The following RAB27A variants were observed in gnomAD, a reference collection of about 807,000 sequenced individuals.
RAB27A encodes ras-related protein Rab-27A.
A neutral mutation model predicts 20.8 loss-of-function variants in RAB27A; 17 were observed. That is an observed-to-expected ratio of 0.82 (90% CI 0.56 to 1.23). The LOEUF is 1.23. RAB27A is among the 50% of genes most tolerant of loss of function. RAB27A has a pLI of 0.00. For synonymous variants in RAB27A, 85 were observed against 92.8 expected (o/e 0.92, Z 0.48); for missense variants, 277 against 266.7 (o/e 1.04, Z -0.27).
chr15:55,281,396 T>C (rs1262661636), intron 1 of RAB27A, among the ~76,000 whole-genome samples: 1 of 152,184 alleles, frequency 6.6e-6, no homozygotes, highest in African/African-American at 2.4e-5. Flanking sequence ...ATCAATAAAC[T>C]GGCATTCTGG....
chr15:55,250,620 T>C (rs976834205), intron 2 of RAB27A, among the ~76,000 whole-genome samples: 2 of 152,226 alleles, frequency 1.3e-5, no homozygotes, highest in Non-Finnish European at 2.9e-5. Flanking sequence ...CAATAAAGAA[T>C]GAACACAACA....
chr15:55,242,752 T>C (rs1307379699), intron 2 of RAB27A, among the ~76,000 whole-genome samples: 1 of 152,170 alleles, frequency 6.6e-6, no homozygotes, highest in Admixed American at 6.6e-5. Flanking sequence ...TCTGGGTGAT[T>C]TTTGGTAATT....
intron 6 of RAB27A, among the ~76,000 whole-genome samples, chr15:55,208,569 G>C (rs1894764513): frequency 6.6e-6 from 1 of 152,112 alleles, no homozygotes; most frequent in South Asian, 2.1e-4. Context: ...AAACATTCCA[G>C]GCATCACATC....
At chr15:55,309,335 A>C (rs2055010525) in intron 2 of RAB27A, among the ~76,000 whole-genome samples, 1 of 152,162 alleles carries the variant, frequency 6.6e-6, no homozygotes, top group South Asian at 2.1e-4. Flanking sequence ...TAAGTATTAA[A>C]CCTGCTGAGA....
chr15:55,306,907 T>C (rs1295895028), intron 2 of RAB27A, among the ~76,000 whole-genome samples: 1 of 152,136 alleles, frequency 6.6e-6, no homozygotes, highest in Non-Finnish European at 1.5e-5. Flanking sequence ...TTAGTTACTT[T>C]CCTCACGGTT....
At chr15:55,209,879 T>C (rs1292397269) in intron 6 of RAB27A, among the ~76,000 whole-genome samples, 22 of 5,710 alleles carry the variant, frequency 3.9e-3, no homozygotes, top group Non-Finnish European at 8.1e-3. Flanking sequence ...TACATATATG[T>C]GTGTGTATAC....
rs1566896206 is a variant in RAB27A at position 55,209,864 on chromosome 15, A to ACATATATGCGTATATATACG, written c.468-4160_468-4159insCGTATATATACGCATATATG. ...TGTACACATATATGTGTGTATATAC[A>ACATATATGCGTATATATACG]TATATACATATATGTGTGTGTATAC... is the stretch of plus-strand genomic sequence containing the variant. On this transcript the variant is annotated intron_variant, in intron 6 of 6. Coordinates refer to ENST00000336787, the MANE Select transcript of RAB27A (RefSeq NM_183235.3). 1.8e-3 allele frequency among the ~76,000 whole-genome samples: 19 copies of ACATATATGCGTATATATACG among 10,272 alleles called. 1 individual carries two copies. Among genetic ancestry groups the ACATATATGCGTATATATACG allele is most frequent in the Admixed American group, 3.2e-3 (2 of 630 alleles). 6.7% of individuals were successfully genotyped at this position (10,272 alleles called of 152,430 possible).
At chr15:55,211,978 T>C (rs1369820099) in intron 6 of RAB27A, among the ~76,000 whole-genome samples, 1 of 133,170 alleles carries the variant, frequency 7.5e-6, no homozygotes, top group South Asian at 2.4e-4. Context: ...TTTTTTTTTT[T>C]AGCTTTTCCC....
chr15:55,232,590 C>T (rs143729879), intron 3 of RAB27A, among the ~76,000 whole-genome samples: 2 of 152,016 alleles, frequency 1.3e-5, no homozygotes, highest in Non-Finnish European at 2.9e-5. Context: ...AGTAACATAG[C>T]GGTCCTCTAA....
chr15:55,290,091 G>A (rs1200234837), upstream of RAB27A: 1 of 152,348 alleles, frequency 6.6e-6, no homozygotes. Flanking sequence ...GGACACAGGA[G>A]GGACATTTAC....
intron 2 of RAB27A, among the ~76,000 whole-genome samples, chr15:55,266,914 A>T (rs1327736036): frequency 6.6e-6 from 1 of 152,198 alleles, no homozygotes; most frequent in Admixed American, 6.5e-5. Flanking sequence ...TCACAAGAAG[A>T]ATATGGCTAT....
chr15:55,219,749 A>G (rs1298433155), intron 6 of RAB27A, among the ~76,000 whole-genome samples: 1 of 152,238 alleles, frequency 6.6e-6, no homozygotes, highest in Non-Finnish European at 1.5e-5. Context: ...GGCTGGCAGG[A>G]GTGCAAATTT....
chr15:55,281,177 G>T (rs1041577813), intron 1 of RAB27A, among the ~76,000 whole-genome samples: 4 of 152,164 alleles, frequency 2.6e-5, no homozygotes, highest in African/African-American at 9.7e-5. Flanking sequence ...AGCCAGTTTT[G>T]AGGAAGCATT....
chr15:55,315,273 A>G lies in RAB27A; in HGVS notation c.-233-1113T>C, dbSNP rs777594578. ...ACAAAAATTAACTCAAGATGGACTA[A>G]TAACTTAAATGGAAAACCTAAAACC... On this transcript the variant is annotated intron_variant, in intron 1 of 5. Transcript: ENST00000563262. 5.3e-5 allele frequency among the ~76,000 whole-genome samples: 8 copies of G among 152,362 alleles called. No homozygotes were observed. In the South Asian group the frequency reaches 1.0e-3, roughly 20 times the overall value.
intron 2 of RAB27A, among the ~76,000 whole-genome samples, chr15:55,269,417 A>G (rs964775508): frequency 3.9e-5 from 6 of 152,212 alleles, no homozygotes; most frequent in African/African-American, 1.2e-4. Flanking sequence ...TAAACCTTAT[A>G]CTAAAACACA....
At chr15:55,214,655 G>T (rs1438833473) in intron 6 of RAB27A, among the ~76,000 whole-genome samples, 4 of 152,144 alleles carry the variant, frequency 2.6e-5, no homozygotes, top group Admixed American at 2.6e-4. Flanking sequence ...CCTCCTGCTT[G>T]CCTCTTAGTT....
At chr15:55,232,661 A>G (rs1403393303) in intron 3 of RAB27A, among the ~76,000 whole-genome samples, 2 of 152,242 alleles carry the variant, frequency 1.3e-5, no homozygotes, top group Non-Finnish European at 2.9e-5. Flanking sequence ...CTATCCTACA[A>G]GAAATACTAC....
chr15:55,253,739 TA>T (rs781690695), intron 2 of RAB27A, among the ~76,000 whole-genome samples: 6,935 of 143,922 alleles, frequency 0.048, 536 homozygotes, highest in African/African-American at 0.17. Flanking sequence ...GAGCCTTGTT[TA>T]AAAAAAAAAA....
chr15:55,244,877 T>C (rs1896629189), intron 2 of RAB27A, among the ~76,000 whole-genome samples: 1 of 152,186 alleles, frequency 6.6e-6, no homozygotes, highest in South Asian at 2.1e-4. Flanking sequence ...ATAAACCTTA[T>C]CAGTACTTTT....
Sources: gnomAD v4.1 joint callset for allele counts (sites outside exome capture counted in the v4.1 genomes callset) on GRCh38, gnomAD v4.1.1 for gene constraint, MANE v1.5 for transcripts, NCBI Gene and HGNC (gene_info 2026-07-23, HGNC 2026-07-21) for gene names.